The following MED13L variants were observed in gnomAD, a reference collection of about 807,000 sequenced individuals.
MED13L encodes the protein mediator complex subunit 13L.
MED13L carries 7 observed loss-of-function variants against 220.9 expected under a neutral mutation model. The ratio of observed to expected loss-of-function variants is 0.03; its 90% CI spans 0.02 to 0.06. The LOEUF (loss-of-function observed/expected upper bound fraction) is 0.06. MED13L is among the 10% of genes least tolerant of loss of function. The pLI is 1.00. For missense variants in MED13L, 1,965 were observed against 2,760.5 expected (o/e 0.71, Z 6.46); for synonymous variants, 1,011 against 1,015.2 (o/e 1.00, Z 0.08).
chr12:116,072,498 C>A (rs986379472), intron 4 of MED13L, among the ~76,000 whole-genome samples: 11 of 152,178 alleles, frequency 7.2e-5, no homozygotes, highest in African/African-American at 2.7e-4. Flanking sequence ...GCCGCCCAGG[C>A]TAGAGTGCAG....
chr12:116,185,351 T>C (rs1175479433), intron 2 of MED13L, among the ~76,000 whole-genome samples: 4 of 140,918 alleles, frequency 2.8e-5, no homozygotes, highest in African/African-American at 1.0e-4. Context: ...AGTTCATTCT[T>C]TTTTTTTTTT....
In MED13L at chr12:116,007,635, GTCT is replaced by G; in HGVS notation, c.2013-2_2013del. 1 of 820,522 alleles carries G rather than the reference GTCT, an allele frequency of 1.2e-6. No homozygotes were observed. The highest frequency in any genetic ancestry group is 1.8e-6 in the Non-Finnish European group (1 of 544,116). 50.8% of individuals were successfully genotyped at this position (820,522 alleles called of 1,614,324 possible). ...AACCGTTTGTTAGGTTGTGCTAAGA[GTCT>G]AAAAGACAAAAAAAAAAAAAAAAAA... On this transcript the variant is annotated splice_acceptor_variant and coding_sequence_variant, in exon 11 of 31. Transcript: ENST00000281928. LOFTEE classifies it high-confidence loss of function.
intron 10 of MED13L, 164 bp downstream of exon 10, chr12:116,008,237 A>T: frequency 1.0e-6 from 1 of 979,556 alleles, no homozygotes; most frequent in Non-Finnish European, 1.5e-6. Flanking sequence ...CTAACCTATA[A>T]GTAGGACAAA....
chr12:116,210,551 CTATATATATATATATATATATA>C lies in MED13L; in HGVS notation c.310+26895_310+26916del, dbSNP rs3043762. On this transcript the variant is annotated intron_variant, in intron 2 of 30. Transcript: ENST00000281928. ...CCCAAAAGCAACCGCAGAACGTAAC[CTATATATATATATATATATATA>C]TATATATATATTTCTATAGTGGTAT... Among the ~76,000 whole-genome samples, 11 of 113,640 alleles carry C rather than the reference CTATATATATATATATATATATA, an allele frequency of 9.7e-5. No individual in the cohort carries two copies. In the East Asian group the frequency reaches 1.3e-3, roughly 14 times the overall value. 74.6% of individuals were successfully genotyped at this position (113,640 alleles called of 152,430 possible).
intron 3 of MED13L, among the ~76,000 whole-genome samples, chr12:116,105,241 T>A (rs1394798789): frequency 6.6e-6 from 1 of 152,146 alleles, no homozygotes; most frequent in Admixed American, 6.5e-5. Context: ...AAGTTAATCA[T>A]AAATACCTAA....
chr12:116,077,386 T>C (rs1870885132), intron 4 of MED13L, among the ~76,000 whole-genome samples: 1 of 152,166 alleles, frequency 6.6e-6, no homozygotes, highest in Non-Finnish European at 1.5e-5. Flanking sequence ...TCATAGAATA[T>C]AGATAACAAA....
At chr12:116,276,347 TGTGTGC>T (rs1352699224) in intron 1 of MED13L, 146 of 628,392 alleles carry the variant, frequency 2.3e-4, no homozygotes, top group East Asian at 1.2e-3. Flanking sequence ...TGTGTGTGTG[TGTGTGC>T]GGATTCGTTG....
chr12:116,152,246 A>G (rs531199687), intron 2 of MED13L, among the ~76,000 whole-genome samples: 9 of 152,338 alleles, frequency 5.9e-5, no homozygotes, highest in African/African-American at 1.9e-4. Flanking sequence ...TAGTTTTTGT[A>G]AAGTCTGAAA....
intron 2 of MED13L, among the ~76,000 whole-genome samples, chr12:116,211,002 T>C (rs986454824): frequency 6.6e-6 from 1 of 152,034 alleles, no homozygotes; most frequent in Admixed American, 6.6e-5. Flanking sequence ...CTCGCCACCA[T>C]ATCAAAAAGG....
Position 116,019,805 on chromosome 12 carries a change from AATC to A in MED13L, c.790_792del (p.Asp264del), listed in dbSNP as rs767909568. On this transcript the variant is annotated inframe_deletion, in exon 6 of 31. Coordinates refer to ENST00000281928, the MANE Select transcript of MED13L (RefSeq NM_015335.5). ...ACAATTACTTCAACTGCCACAGGGA[AATC>A]ATCATCATATCCCAACTCGTCTTCC... The A allele has an allele frequency of 1.2e-6, 2 of 1,614,012 alleles. No individual in the cohort carries two copies. The highest frequency in any genetic ancestry group is 1.7e-6 in the Non-Finnish European group (2 of 1,179,920).
intron 28 of MED13L, among the ~76,000 whole-genome samples, chr12:115,967,022 T>C (rs1223353604): frequency 6.6e-6 from 1 of 151,748 alleles, no homozygotes; most frequent in African/African-American, 2.4e-5. Flanking sequence ...AATACAAAAA[T>C]TAGCCAGGCA....
At chr12:116,135,546 T>C (rs1876464639) in intron 2 of MED13L, among the ~76,000 whole-genome samples, 1 of 152,218 alleles carries the variant, frequency 6.6e-6, no homozygotes, top group African/African-American at 2.4e-5. Flanking sequence ...CTAAAGAACC[T>C]GTGAACATAA....
intron 1 of MED13L, among the ~76,000 whole-genome samples, chr12:116,266,509 T>A (rs1302090636): frequency 6.6e-6 from 1 of 152,210 alleles, no homozygotes; most frequent in South Asian, 2.1e-4. Context: ...AGAGGAGCTA[T>A]AGCTCCCGCT....
intron 2 of MED13L, among the ~76,000 whole-genome samples, chr12:116,191,709 G>A (rs997744627): frequency 5.9e-5 from 9 of 151,926 alleles, no homozygotes; most frequent in South Asian, 2.1e-4. Flanking sequence ...TGCCAGGCCC[G>A]GTGGCTCACA....
chr12:116,136,937 A>C (rs1876606988), intron 2 of MED13L, among the ~76,000 whole-genome samples: 1 of 152,226 alleles, frequency 6.6e-6, no homozygotes, highest in Non-Finnish European at 1.5e-5. Context: ...AATTATTTTA[A>C]GTTAACATAA....
intron 2 of MED13L, among the ~76,000 whole-genome samples, chr12:116,128,819 T>C (rs1436485420): frequency 6.6e-6 from 1 of 152,194 alleles, no homozygotes; most frequent in Non-Finnish European, 1.5e-5. Context: ...TAAACAAGAA[T>C]AGGGCATATG....
At chr12:116,072,272 G>T (rs118149094) in intron 4 of MED13L, among the ~76,000 whole-genome samples, 2 of 152,274 alleles carry the variant, frequency 1.3e-5, no homozygotes, top group Non-Finnish European at 2.9e-5. Flanking sequence ...TGTGGGAAAG[G>T]TCCTTTAAAA....
intron 4 of MED13L, among the ~76,000 whole-genome samples, chr12:116,086,046 G>A (rs190593127): frequency 3.9e-5 from 6 of 152,248 alleles, no homozygotes; most frequent in South Asian, 4.1e-4. Flanking sequence ...GCTAGACAAC[G>A]CTTGGGCGAT....
chr12:116,121,811 C>T (rs1875119192), intron 2 of MED13L, among the ~76,000 whole-genome samples: 1 of 152,118 alleles, frequency 6.6e-6, no homozygotes, highest in Admixed American at 6.6e-5. Context: ...TTATCCAGAA[C>T]ATTGAGTTCA....
Sources: allele counts gnomAD v4.1 joint callset (sites outside exome capture counted in the v4.1 genomes callset), GRCh38; gene constraint gnomAD v4.1.1; transcripts MANE v1.5; gene names NCBI Gene and HGNC (gene_info 2026-07-23, HGNC 2026-07-21).